Variants in INPP4B observed in about 807,000 individuals in gnomAD.
INPP4B encodes the protein inositol polyphosphate-4-phosphatase type II B.
INPP4B carries 55 observed loss-of-function variants against 122.5 expected under a neutral mutation model. That is an observed-to-expected ratio of 0.45 (90% CI 0.36 to 0.56). The LOEUF (loss-of-function observed/expected upper bound fraction) is 0.56. Ranked by LOEUF, INPP4B falls within the 20% of genes least tolerant of loss-of-function variation. The pLI, the probability that INPP4B is intolerant of heterozygous loss-of-function variation, is 0.00. For missense variants in INPP4B, 1,000 were observed against 1,097.7 expected (o/e 0.91, Z 1.26); for synonymous variants, 403 against 388.7 (o/e 1.04, Z -0.43).
intron 2 of INPP4B, among the ~76,000 whole-genome samples, chr4:142,523,014 A>G (rs1214228415): frequency 6.6e-6 from 1 of 152,094 alleles, no homozygotes; most frequent in East Asian, 1.9e-4. Context: ...AATTCCAAGG[A>G]AAGCAAAGGT....
At chr4:142,635,229 G>A (rs1748855140) in intron 2 of INPP4B, among the ~76,000 whole-genome samples, 1 of 152,162 alleles carries the variant, frequency 6.6e-6, no homozygotes. Context: ...AGAGGTTGCA[G>A]AGAAAAGGGA....
At position 142,027,943 on chromosome 4, in the gene INPP4B, T is replaced by TGACA. The variant is rs1453492586; in HGVS notation, c.*835_*838dup. On this transcript the variant is annotated 3_prime_UTR_variant, in exon 26 of 26. Coordinates refer to ENST00000262992, the MANE Select transcript of INPP4B (RefSeq NM_001101669.3). ...AAGAAACATCTCAGAGATACCTCAC[T>TGACA]GACATTCATGAACTTCACAACATAA... 1 of 186,248 alleles carries TGACA rather than the reference T, an allele frequency of 5.4e-6. No individual in the cohort carries two copies. Among genetic ancestry groups the TGACA allele is most frequent in the African/African-American group, 2.3e-5 (1 of 42,750 alleles). The allele number at this position is 186,248 out of a possible 1,614,324, so 11.5% of individuals were successfully genotyped here. A position where few individuals can be genotyped will look rare whatever the true frequency, so the allele number is the denominator to read the frequency against.
chr4:142,104,667 A>T (rs1363497946), intron 23 of INPP4B, among the ~76,000 whole-genome samples: 1 of 152,084 alleles, frequency 6.6e-6, no homozygotes, highest in Non-Finnish European at 1.5e-5. Flanking sequence ...TCAGATATAC[A>T]AGTTGTCCCT....
chr4:142,267,790 A>C (rs907979476), intron 10 of INPP4B, among the ~76,000 whole-genome samples: 3 of 152,144 alleles, frequency 2.0e-5, no homozygotes, highest in Non-Finnish European at 4.4e-5. Context: ...GATTGGGATA[A>C]AATATTTGCA....
At chr4:142,048,275 C>A (rs963595807) in intron 25 of INPP4B, among the ~76,000 whole-genome samples, 1 of 152,086 alleles carries the variant, frequency 6.6e-6, no homozygotes, top group African/African-American at 2.4e-5. Flanking sequence ...CGAGAAACTG[C>A]AGATTATAGT....
intron 1 of INPP4B, among the ~76,000 whole-genome samples, chr4:142,763,870 A>T (rs1771701210): frequency 6.6e-6 from 1 of 152,162 alleles, no homozygotes; most frequent in Non-Finnish European, 1.5e-5. Flanking sequence ...AATAGTCAAG[A>T]CATGAAATTA....
At chr4:142,691,633 G>C (rs1023066202) in intron 2 of INPP4B, among the ~76,000 whole-genome samples, 2 of 152,046 alleles carry the variant, frequency 1.3e-5, no homozygotes, top group African/African-American at 4.8e-5. Context: ...AACCTCCATT[G>C]ACTCTCTGAT....
intron 2 of INPP4B, among the ~76,000 whole-genome samples, chr4:142,712,773 G>T (rs939416756): frequency 1.3e-5 from 2 of 152,080 alleles, no homozygotes; most frequent in African/African-American, 4.8e-5. Context: ...TCATTCCTAG[G>T]GAGAGGAAAG....
chr4:142,253,317 C>A (rs1733478509), intron 11 of INPP4B, among the ~76,000 whole-genome samples: 1 of 152,132 alleles, frequency 6.6e-6, no homozygotes. Flanking sequence ...TTTTTAAAAT[C>A]TTTTCTTTCT....
intron 2 of INPP4B, among the ~76,000 whole-genome samples, chr4:142,556,575 C>T (rs1729236091): frequency 6.6e-6 from 1 of 151,956 alleles, no homozygotes. Context: ...GCACCAATGA[C>T]CAAAATGGGG....
chr4:142,353,530 A>C (rs1782612037), intron 7 of INPP4B, among the ~76,000 whole-genome samples: 1 of 152,052 alleles, frequency 6.6e-6, no homozygotes, highest in Non-Finnish European at 1.5e-5. Context: ...ATAGGTGGCA[A>C]TCAGACTAAA....
intron 14 of INPP4B, among the ~76,000 whole-genome samples, chr4:142,193,781 TTCTGTTTTC>T (rs879537170): frequency 1.5e-3 from 231 of 152,310 alleles, no homozygotes; most frequent in Middle Eastern, 3.4e-3. Context: ...ATGTTTCTTG[TTCTGTTTTC>T]TAGTAAGACA....
At chr4:142,739,020 G>A (rs1767500088) in intron 1 of INPP4B, among the ~76,000 whole-genome samples, 1 of 152,006 alleles carries the variant, frequency 6.6e-6, no homozygotes, top group South Asian at 2.1e-4. Flanking sequence ...AGTAATACAG[G>A]ATTCTTGCCT....
Position 142,125,707 on chromosome 4 carries a change from GCTGA to G in INPP4B, c.1721-951_1721-948del, listed in dbSNP as rs530718098. 5.8e-4 allele frequency among the ~76,000 whole-genome samples: 89 copies of G among 152,186 alleles called. 1 individual carries two copies. Among genetic ancestry groups the G allele is most frequent in the African/African-American group, 2.0e-3 (84 of 41,530 alleles). ...CCCTATTCCATGAAGATTGGGTTGA[GCTGA>G]CTTCCTTTTGTGCCTGTATCTTCCT... On this transcript the variant is annotated intron_variant, in intron 18 of 25. Transcript: ENST00000262992.
chr4:142,489,604 G>A lies in INPP4B; in HGVS notation c.-190-26878C>T, dbSNP rs978584047. On this transcript the variant is annotated intron_variant, in intron 2 of 25. Transcript: ENST00000262992. ...AGACGAGGTTTCACCCTGTTGGCCA[G>A]GCTGGTCTCAAACTCCTGATCTCAA... 2.0e-5 allele frequency among the ~76,000 whole-genome samples: 3 copies of A among 152,120 alleles called. No homozygotes were observed. The East Asian group carries it at 5.8e-4, about 29-fold the overall frequency.
chr4:142,523,631 C>CT, intron 2 of INPP4B, among the ~76,000 whole-genome samples: 1 of 152,022 alleles, frequency 6.6e-6, no homozygotes, highest in South Asian at 2.1e-4. Context: ...TTTAGCTTTT[C>CT]TTTTTTCAAT....
chr4:142,472,797 A>C (rs1165694161), intron 2 of INPP4B, among the ~76,000 whole-genome samples: 2 of 152,198 alleles, frequency 1.3e-5, no homozygotes, highest in African/African-American at 4.8e-5. Context: ...AAGAATACAA[A>C]CTTGCATGAG....
intron 2 of INPP4B, among the ~76,000 whole-genome samples, chr4:142,610,038 G>A (rs1222514691): frequency 6.6e-6 from 1 of 152,090 alleles, no homozygotes; most frequent in Non-Finnish European, 1.5e-5. Flanking sequence ...TTTTATGTTA[G>A]TCAATTGATA....
chr4:142,393,226 C>T (rs1350409945), intron 7 of INPP4B, among the ~76,000 whole-genome samples: 1 of 151,620 alleles, frequency 6.6e-6, no homozygotes, highest in African/African-American at 2.4e-5. Flanking sequence ...GAAAACCTGA[C>T]CAAAAAGGGG....
Sources: allele counts gnomAD v4.1 joint callset (sites outside exome capture counted in the v4.1 genomes callset), GRCh38; gene constraint gnomAD v4.1.1; transcripts MANE v1.5; gene names NCBI Gene and HGNC (gene_info 2026-07-23, HGNC 2026-07-21).